The following ENTREP2 variants were observed in gnomAD, a reference collection of about 807,000 sequenced individuals.
The protein encoded by ENTREP2 is protein ENTREP2.
At chr15:29,123,505 G>C in the ENTREP2 span, 1 of 1,551,736 alleles carries the variant, frequency 6.4e-7, no homozygotes, top group African/African-American at 1.4e-5. Flanking sequence ...ATCCGCATAG[G>C]CCTTGCTGTC....
chr15:29,578,368 A>C, the ENTREP2 span, among the ~76,000 whole-genome samples: 26 of 152,330 alleles, frequency 1.7e-4, no homozygotes, highest in Middle Eastern at 3.4e-3. Flanking sequence ...ATATGTGTGC[A>C]CCAGTGTCCT....
At chr15:29,201,770 G>A in the ENTREP2 span, among the ~76,000 whole-genome samples, 1 of 152,050 alleles carries the variant, frequency 6.6e-6, no homozygotes, top group Non-Finnish European at 1.5e-5. Context: ...CTGGATTTTG[G>A]TAGCATGGCA....
the ENTREP2 span, among the ~76,000 whole-genome samples, chr15:29,220,745 T>C: frequency 6.6e-6 from 1 of 152,056 alleles, no homozygotes; most frequent in Non-Finnish European, 1.5e-5. Flanking sequence ...GTTATTTAAT[T>C]CCAGAAAATA....
At chr15:29,629,055 G>A in the ENTREP2 span, among the ~76,000 whole-genome samples, 3 of 152,032 alleles carry the variant, frequency 2.0e-5, no homozygotes, top group East Asian at 3.9e-4. Flanking sequence ...CGGCCAGGTT[G>A]CATCTTTTTA....
At chr15:29,601,520 GTT>G in the ENTREP2 span, among the ~76,000 whole-genome samples, 1 of 147,972 alleles carries the variant, frequency 6.8e-6, no homozygotes, top group Non-Finnish European at 1.5e-5. Context: ...ATGTCTGTAA[GTT>G]TATTGTCAAT....
At chr15:29,632,480 T>C in the ENTREP2 span, among the ~76,000 whole-genome samples, 3 of 152,260 alleles carry the variant, frequency 2.0e-5, no homozygotes, top group Middle Eastern at 3.4e-3. Flanking sequence ...ACTAAAATGA[T>C]AAAGAATCAG....
At chr15:29,241,097 C>A in the ENTREP2 span, among the ~76,000 whole-genome samples, 1 of 152,166 alleles carries the variant, frequency 6.6e-6, no homozygotes, top group African/African-American at 2.4e-5. Flanking sequence ...TCAATGCTAT[C>A]ATAATGAAGA....
the ENTREP2 span, among the ~76,000 whole-genome samples, chr15:29,470,443 C>T: frequency 2.1e-4 from 32 of 152,332 alleles, no homozygotes; most frequent in African/African-American, 7.2e-4. Flanking sequence ...TCACCTCACG[C>T]CTCCCTCCTT....
the ENTREP2 span, among the ~76,000 whole-genome samples, chr15:29,177,290 A>C: frequency 6.6e-6 from 1 of 152,196 alleles, no homozygotes; most frequent in South Asian, 2.1e-4. Context: ...GTATGGCAGG[A>C]TCCTCATCCA....
the ENTREP2 span, among the ~76,000 whole-genome samples, chr15:29,355,740 A>C: frequency 6.6e-6 from 1 of 152,184 alleles, no homozygotes; most frequent in Non-Finnish European, 1.5e-5. Context: ...ACTTTCATTT[A>C]TACACTGTGG....
the ENTREP2 span, among the ~76,000 whole-genome samples, chr15:29,318,370 G>T: frequency 2.0e-5 from 3 of 151,888 alleles, no homozygotes; most frequent in East Asian, 5.8e-4. Flanking sequence ...ACCCAGGCTG[G>T]AGTGCAGTGT....
At chr15:29,573,594 A>G in the ENTREP2 span, among the ~76,000 whole-genome samples, 2 of 147,064 alleles carry the variant, frequency 1.4e-5, no homozygotes, top group Non-Finnish European at 3.0e-5. Context: ...CTTTCTGGAT[A>G]TTTGTCTATT....
the ENTREP2 span, among the ~76,000 whole-genome samples, chr15:29,180,002 G>A: frequency 2.0e-5 from 3 of 152,100 alleles, no homozygotes; most frequent in Admixed American, 1.3e-4. Flanking sequence ...GTTTGGATAA[G>A]GACCCAGAAT....
At chr15:29,642,544 C>CACTAT in the ENTREP2 span, among the ~76,000 whole-genome samples, 4 of 147,406 alleles carry the variant, frequency 2.7e-5, no homozygotes, top group African/African-American at 7.4e-5. Flanking sequence ...ATCATATGTA[C>CACTAT]ATATATACAC....
chr15:29,269,472 C>T, the ENTREP2 span: 2 of 1,612,366 alleles, frequency 1.2e-6, no homozygotes, highest in Non-Finnish European at 1.7e-6. Flanking sequence ...GGCTCCTGGG[C>T]CCCACGGCGG....
chr15:29,156,148 G>T, the ENTREP2 span, among the ~76,000 whole-genome samples: 268 of 151,952 alleles, frequency 1.8e-3, 2 homozygotes, highest in Admixed American at 8.5e-4. Context: ...CCTGTTTTTT[G>T]TTGTTGTTGT....
At chr15:29,202,638 C>T in the ENTREP2 span, among the ~76,000 whole-genome samples, 1 of 152,182 alleles carries the variant, frequency 6.6e-6, no homozygotes, top group Non-Finnish European at 1.5e-5. Flanking sequence ...CCTCCCCTTG[C>T]CCCCAACCCC....
chr15:29,535,622 C>A, the ENTREP2 span, among the ~76,000 whole-genome samples: 1 of 152,076 alleles, frequency 6.6e-6, no homozygotes, highest in Admixed American at 6.6e-5. Flanking sequence ...CCTGGGAGTG[C>A]GGGATGCAAT....
the ENTREP2 span, among the ~76,000 whole-genome samples, chr15:29,494,215 C>A: frequency 2.8e-5 from 4 of 143,428 alleles, no homozygotes; most frequent in South Asian, 2.2e-4. Context: ...AAAAAAAAAA[C>A]TTTAAAAACG....
Sources: allele counts gnomAD v4.1 joint callset (sites outside exome capture counted in the v4.1 genomes callset), GRCh38; gene constraint gnomAD v4.1.1; transcripts MANE v1.5; gene names NCBI Gene and HGNC (gene_info 2026-07-23, HGNC 2026-07-21).